The following MCF2L variants were observed in gnomAD, a reference collection of about 807,000 sequenced individuals.
MCF2L encodes the protein guanine nucleotide exchange factor DBS.
MCF2L carries 97 observed loss-of-function variants against 153.4 expected under a neutral mutation model. The observed-to-expected ratio is 0.63, with a 90% CI of 0.54 to 0.75. MCF2L has a LOEUF of 0.75. MCF2L is among the 30% of genes least tolerant of loss of function. The pLI is 0.00. For synonymous variants in MCF2L, 659 were observed against 632.2 expected (o/e 1.04, Z -0.64); for missense variants, 1,347 against 1,495.2 (o/e 0.90, Z 1.64).
chr13:112,938,901 C>A (rs2140657928), intron 2 of MCF2L, among the ~76,000 whole-genome samples: 1 of 152,244 alleles, frequency 6.6e-6, no homozygotes, highest in Non-Finnish European at 1.5e-5. Context: ...GCAGAGACCT[C>A]CTGCCTTGCC....
At position 113,035,675 on chromosome 13, in the gene MCF2L, T is replaced by C. The variant is rs1345561022; in HGVS notation, c.279-9596T>C. ...ACAGGTCCTGCAGGGAGCTCCTGTG[T>C]TATCTGCCCTCCCCGCGAAGCTCCT... On this transcript the variant is annotated intron_variant, in intron 3 of 29. Coordinates refer to ENST00000535094, the MANE Select transcript of MCF2L (RefSeq NM_001112732.3). This position sits in a 1 kb window ranked among gnomAD's most constrained non-coding sequence, Gnocchi z 4.4. 6.6e-6 allele frequency among the ~76,000 whole-genome samples: 1 copy of C among 152,228 alleles called. No individual in the cohort carries two copies. Among genetic ancestry groups the C allele is most frequent in the Admixed American group, 6.5e-5 (1 of 15,280 alleles).
At chr13:113,005,674 G>A (rs904281623) in intron 1 of MCF2L, among the ~76,000 whole-genome samples, 2 of 152,148 alleles carry the variant, frequency 1.3e-5, no homozygotes, top group Admixed American at 6.5e-5. Context: ...TGTTTGTGGT[G>A]ACTGTGGTTA....
At chr13:113,007,951 C>G (rs1234180494) in intron 1 of MCF2L, among the ~76,000 whole-genome samples, 1 of 137,250 alleles carries the variant, frequency 7.3e-6, no homozygotes, top group Admixed American at 8.1e-5. Flanking sequence ...GAGTCTCGCT[C>G]TGTCACCCAG....
chr13:112,939,788 G>A (rs528326058), intron 2 of MCF2L, among the ~76,000 whole-genome samples: 6 of 152,220 alleles, frequency 3.9e-5, no homozygotes, highest in African/African-American at 1.4e-4. Context: ...GACCAGCCGG[G>A]CCAACATGAT....
chr13:112,913,592 A>G (rs577415045), intron 2 of MCF2L, among the ~76,000 whole-genome samples: 1 of 152,294 alleles, frequency 6.6e-6, no homozygotes, highest in African/African-American at 2.4e-5. Context: ...TGTGGCAAAT[A>G]TGCGTTGTCT....
At chr13:112,968,153 G>GGGGGGTT, upstream of MCF2L, among the ~76,000 whole-genome samples, 1 of 132,658 alleles carries the variant, frequency 7.5e-6, no homozygotes, top group Non-Finnish European at 1.7e-5. Flanking sequence ...GGGGGGGGGG[G>GGGGGGTT]TCTTGCTACA....
intron 4 of MCF2L, among the ~76,000 whole-genome samples, chr13:113,050,829 G>T (rs73576876): frequency 9.1e-5 from 13 of 143,574 alleles, no homozygotes; most frequent in East Asian, 4.1e-4. Flanking sequence ...ACTTCCCGGC[G>T]GAGGTGATGC....
intron 2 of MCF2L, chr13:112,909,349 C>T: frequency 1.3e-6 from 1 of 777,136 alleles, no homozygotes; most frequent in Non-Finnish European, 2.4e-6. Flanking sequence ...GTCTACAGAC[C>T]CGGCCTCCCC....
chr13:113,007,260 T>C (rs2083765716), intron 1 of MCF2L, among the ~76,000 whole-genome samples: 1 of 152,152 alleles, frequency 6.6e-6, no homozygotes, highest in Admixed American at 6.5e-5. Context: ...GCCATTTTAC[T>C]GATGTCAGGA....
chr13:113,091,887 G>A (rs2035253019), intron 26 of MCF2L, among the ~76,000 whole-genome samples: 1 of 152,196 alleles, frequency 6.6e-6, no homozygotes, highest in Non-Finnish European at 1.5e-5. Flanking sequence ...GGTGTAAGCA[G>A]AACCAGCCTT....
At chr13:112,947,868 T>C (rs1316636042) in intron 2 of MCF2L, among the ~76,000 whole-genome samples, 2 of 152,146 alleles carry the variant, frequency 1.3e-5, no homozygotes, top group African/African-American at 4.8e-5. Flanking sequence ...CTACAACAAG[T>C]CTCTGCCTGG....
rs2033298920 is a variant in MCF2L at position 113,074,912 on chromosome 13, C to T, written c.1117-86C>T. The T allele has an allele frequency of 4.1e-6, 5 of 1,210,926 alleles. No individual in the cohort carries two copies. Among genetic ancestry groups the T allele is most frequent in the African/African-American group, 1.5e-5 (1 of 66,454 alleles). 75.0% of individuals were successfully genotyped at this position (1,210,926 alleles called of 1,614,324 possible). ...CAAAGAAATCAAGACACACGTGTGC[C>T]CCGGGACACACATCCCGTACAGCAA... On this transcript the variant is annotated intron_variant, in intron 10 of 29. Coordinates refer to ENST00000535094, the MANE Select transcript of MCF2L (RefSeq NM_001112732.3). This position sits in a 1 kb window ranked among gnomAD's most constrained non-coding sequence, Gnocchi z 4.2.
At chr13:113,002,663 G>A (rs1218896962) in intron 1 of MCF2L, among the ~76,000 whole-genome samples, 4 of 152,230 alleles carry the variant, frequency 2.6e-5, no homozygotes, top group African/African-American at 9.6e-5. Context: ...TGGAGAAGGG[G>A]TCACGTGGGG....
intron 3 of MCF2L, among the ~76,000 whole-genome samples, chr13:113,036,964 G>A (rs1269410436): frequency 2.0e-5 from 3 of 152,202 alleles, no homozygotes; most frequent in Admixed American, 6.5e-5. Flanking sequence ...GCAAGCTCCC[G>A]GATGTTTCTC....
At chr13:112,996,623 G>A (rs1469287359) in intron 1 of MCF2L, among the ~76,000 whole-genome samples, 4 of 152,216 alleles carry the variant, frequency 2.6e-5, no homozygotes, top group African/African-American at 4.8e-5. Flanking sequence ...TCCTGCGACC[G>A]TGCTCCTCAG....
At position 113,089,602 on chromosome 13, in the gene MCF2L, G is replaced by C; in HGVS notation, c.2835-8G>C. On this transcript the variant is annotated splice_region_variant and splice_polypyrimidine_tract_variant and intron_variant, in intron 25 of 29. Coordinates refer to ENST00000535094, the MANE Select transcript of MCF2L (RefSeq NM_001112732.3). ...CTATTTCCTTTTTGATTTGTCTGATGTCATCAGTCCCTCAAGAGGAAACTC... is the reference window on the plus strand; with the variant it reads ...CTATTTCCTTTTTGATTTGTCTGATCTCATCAGTCCCTCAAGAGGAAACTC... 1 of 1,578,666 alleles carries C rather than the reference G, an allele frequency of 6.3e-7. No individual in the cohort carries two copies.
intron 4 of MCF2L, 38 bp from the exon 5 acceptor site, chr13:113,060,555 G>A (rs2031218450): frequency 6.2e-7 from 1 of 1,606,902 alleles, no homozygotes; most frequent in African/African-American, 1.3e-5. Context: ...TGTCTGCAGA[G>A]CACGCTGCAG....
Position 112,943,350 on chromosome 13 carries a change from G to A in MCF2L, c.169+40979G>A, listed in dbSNP as rs1225116753. On this transcript the variant is annotated intron_variant, in intron 2 of 29. Coordinates refer to the MCF2L transcript ENST00000375608. This position sits in a 1 kb window ranked among gnomAD's most constrained non-coding sequence, Gnocchi z 4.2. ...GAGCTCTAGGGCCCCCGGCCGCAGA[G>A]CCCAGGCGCGGGGAGGGCGGCGGCT... 6.6e-6 allele frequency among the ~76,000 whole-genome samples: 1 copy of A among 152,152 alleles called. No individual in the cohort carries two copies. Among genetic ancestry groups the A allele is most frequent in the East Asian group, 1.9e-4 (1 of 5,186 alleles).
intron 2 of MCF2L, among the ~76,000 whole-genome samples, chr13:112,908,380 T>G (rs2081193733): frequency 6.6e-6 from 1 of 152,200 alleles, no homozygotes; most frequent in Admixed American, 6.5e-5. Context: ...CATCTTTTAA[T>G]TAAAATGGAT....
Sources: gnomAD v4.1 joint callset for allele counts (sites outside exome capture counted in the v4.1 genomes callset) on GRCh38, gnomAD v4.1.1 for gene constraint, Gnocchi (gnomAD v3.1) non-coding constraint, MANE v1.5 for transcripts, NCBI Gene and HGNC (gene_info 2026-07-23, HGNC 2026-07-21) for gene names.